SPOCK3: variants seen among roughly 807,000 people sequenced by gnomAD.
SPOCK3 encodes the protein SPARC (osteonectin), cwcv and kazal like domains proteoglycan 3, also known as testican-3.
A neutral mutation model predicts 56.6 loss-of-function variants in SPOCK3; 30 were observed. That is an observed-to-expected ratio of 0.53 (90% CI 0.40 to 0.72). The LOEUF is 0.72. Ranked by LOEUF, SPOCK3 falls within the 30% of genes least tolerant of loss-of-function variation. The probability of loss-of-function intolerance (pLI) is 0.00; values close to 1 mark genes in which losing one functional copy is unlikely to be tolerated. For missense variants in SPOCK3, 527 were observed against 530.0 expected, an observed-to-expected ratio of 0.99 and a Z score of 0.06; for synonymous variants, 196 against 183.3, an observed-to-expected ratio of 1.07 and a Z score of -0.56.
intron 3 of SPOCK3, among the ~76,000 whole-genome samples, chr4:167,043,142 T>C (rs1753384257): frequency 6.6e-6 from 1 of 152,124 alleles, no homozygotes; most frequent in Non-Finnish European, 1.5e-5. Context: ...TGTGGCTTGA[T>C]AGCTCATTAT....
At chr4:167,005,439 C>G (rs13105146) in intron 3 of SPOCK3, among the ~76,000 whole-genome samples, 4,140 of 151,774 alleles carry the variant, frequency 0.027, 83 homozygotes, top group Middle Eastern at 0.048. Context: ...GGTCTCGATC[C>G]CCTGACCTCG....
chr4:166,787,321 A>G (rs1367508439), intron 7 of SPOCK3, among the ~76,000 whole-genome samples: 1 of 152,086 alleles, frequency 6.6e-6, no homozygotes, highest in African/African-American at 2.4e-5. Context: ...CAACCAGAAA[A>G]ACGTGTGATT....
intron 2 of SPOCK3, among the ~76,000 whole-genome samples, chr4:167,153,555 C>T (rs933029389): frequency 3.3e-5 from 5 of 152,252 alleles, no homozygotes; most frequent in Middle Eastern, 3.4e-3. Context: ...GCACTAGTGG[C>T]TACAGTATTG....
At chr4:166,849,681 T>C (rs1748479710) in intron 6 of SPOCK3, among the ~76,000 whole-genome samples, 1 of 152,360 alleles carries the variant, frequency 6.6e-6, no homozygotes, top group African/African-American at 2.4e-5. Context: ...CATTGTTGTA[T>C]AATTACAACA....
At chr4:166,937,684 T>C (rs57543435) in intron 4 of SPOCK3, among the ~76,000 whole-genome samples, 21,980 of 149,604 alleles carry the variant, frequency 0.15, 2,087 homozygotes, top group African/African-American at 0.27. Context: ...GAGTTTTGAT[T>C]ATTAGGTAAA....
chr4:167,193,192 G>A (rs1486982363), intron 2 of SPOCK3, among the ~76,000 whole-genome samples: 1 of 145,466 alleles, frequency 6.9e-6, no homozygotes, highest in Non-Finnish European at 1.5e-5. Flanking sequence ...TAGTACCTTT[G>A]TCCCTTTCTT....
intron 5 of SPOCK3, among the ~76,000 whole-genome samples, chr4:166,911,600 C>T (rs1737279915): frequency 6.6e-6 from 1 of 152,086 alleles, no homozygotes; most frequent in African/African-American, 2.4e-5. Context: ...TACAATGGCG[C>T]AATCTCAGCT....
In SPOCK3 at chr4:166,901,026, G is replaced by A. The variant is rs117225509; in HGVS notation, c.474+11594C>T. Among the ~76,000 whole-genome samples, 117 of 152,240 alleles carry A rather than the reference G, an allele frequency of 7.7e-4. 3 individuals carry two copies. In the East Asian group the frequency reaches 0.022, roughly 29 times the overall value. On this transcript the variant is annotated intron_variant, in intron 5 of 10. Transcript: ENST00000357545. ...TTGCAAGTGTCTTAAAGTTAACTGCGTGCTGTGTCTGACTTCCCCAGACAT... is the reference window on the plus strand; with the variant it reads ...TTGCAAGTGTCTTAAAGTTAACTGCATGCTGTGTCTGACTTCCCCAGACAT...
intron 3 of SPOCK3, among the ~76,000 whole-genome samples, chr4:167,006,224 C>T (rs1286012793): frequency 6.6e-6 from 1 of 152,090 alleles, no homozygotes; most frequent in Non-Finnish European, 1.5e-5. Flanking sequence ...GGATGTATAA[C>T]TAGCAATTAG....
chr4:167,121,220 T>C (rs983718689), intron 2 of SPOCK3, among the ~76,000 whole-genome samples: 2 of 151,894 alleles, frequency 1.3e-5, no homozygotes, highest in South Asian at 2.1e-4. Flanking sequence ...TTCCAGGATA[T>C]TGACATTTAG....
chr4:166,935,868 G>T (rs80285618), intron 4 of SPOCK3, among the ~76,000 whole-genome samples: 3,959 of 152,212 alleles, frequency 0.026, 159 homozygotes, highest in African/African-American at 0.089. Flanking sequence ...TGAAGATAGA[G>T]ATAACAACAT....
At chr4:166,843,075 G>A (rs1212714719) in intron 6 of SPOCK3, among the ~76,000 whole-genome samples, 1 of 152,212 alleles carries the variant, frequency 6.6e-6, no homozygotes. Context: ...TGGGTGCTAA[G>A]CCCCTCACTG....
At chr4:167,008,166 T>C (rs914548580) in intron 3 of SPOCK3, among the ~76,000 whole-genome samples, 1 of 152,010 alleles carries the variant, frequency 6.6e-6, no homozygotes, top group Non-Finnish European at 1.5e-5. Context: ...GTTTTACATC[T>C]AAAAATAACT....
chr4:166,776,060 G>GT (rs1739496462), intron 7 of SPOCK3, among the ~76,000 whole-genome samples: 1 of 152,086 alleles, frequency 6.6e-6, no homozygotes, highest in Non-Finnish European at 1.5e-5. Context: ...ACCAGTAATA[G>GT]TACTTTGTGA....
chr4:167,091,143 C>T (rs1353259817), intron 2 of SPOCK3, among the ~76,000 whole-genome samples: 2 of 152,116 alleles, frequency 1.3e-5, no homozygotes, highest in African/African-American at 4.8e-5. Context: ...CAAGTTGTCC[C>T]CTAACAGCTA....
At chr4:166,768,514 C>G (rs1458234216) in intron 7 of SPOCK3, among the ~76,000 whole-genome samples, 1 of 152,086 alleles carries the variant, frequency 6.6e-6, no homozygotes, top group East Asian at 1.9e-4. Context: ...GAATATTGGC[C>G]CCCACTCTCT....
At chr4:167,166,164 T>C (rs1158896177) in intron 2 of SPOCK3, among the ~76,000 whole-genome samples, 2 of 152,052 alleles carry the variant, frequency 1.3e-5, no homozygotes, top group Non-Finnish European at 2.9e-5. Flanking sequence ...AAATCCAATA[T>C]AGCTATTTCC....
intron 3 of SPOCK3, among the ~76,000 whole-genome samples, chr4:167,059,316 A>T (rs1580161094): frequency 6.6e-6 from 1 of 152,204 alleles, no homozygotes; most frequent in Non-Finnish European, 1.5e-5. Context: ...AAAAAAACAA[A>T]CAACCCCATC....
intron 2 of SPOCK3, among the ~76,000 whole-genome samples, chr4:167,073,529 T>A (rs544194776): frequency 2.6e-5 from 4 of 151,986 alleles, no homozygotes; most frequent in Non-Finnish European, 5.9e-5. Context: ...TCTTTCATAT[T>A]GTATACTGGT....
Sources: gnomAD v4.1 joint callset for allele counts (sites outside exome capture counted in the v4.1 genomes callset) on GRCh38, gnomAD v4.1.1 for gene constraint, MANE v1.5 for transcripts, NCBI Gene and HGNC (gene_info 2026-07-23, HGNC 2026-07-21) for gene names.